The following MGAT4C variants were observed in gnomAD, a reference collection of about 807,000 sequenced individuals.
MGAT4C encodes the protein alpha-1,3-mannosyl-glycoprotein 4-beta-N-acetylglucosaminyltransferase C.
A neutral mutation model predicts 40.1 loss-of-function variants in MGAT4C; 19 were observed. The ratio of observed to expected loss-of-function variants is 0.47; its 90% CI spans 0.33 to 0.70. The LOEUF is 0.70. Ranked by LOEUF, MGAT4C falls within the 30% of genes least tolerant of loss-of-function variation. The pLI, the probability that MGAT4C is intolerant of heterozygous loss-of-function variation, is 0.02. For missense variants in MGAT4C, 491 were observed against 563.2 expected, an observed-to-expected ratio of 0.87 and a Z score of 1.30; for synonymous variants, 181 against 187.1, an observed-to-expected ratio of 0.97 and a Z score of 0.27.
At chr12:86,691,642 AATC>A (rs1406851364) in intron 2 of MGAT4C, among the ~76,000 whole-genome samples, 4 of 152,188 alleles carry the variant, frequency 2.6e-5, no homozygotes, top group Non-Finnish European at 5.9e-5. Context: ...ATGCAAAATA[AATC>A]ATCTATTAGG....
chr12:86,735,368 G>A (rs1181965113), intron 1 of MGAT4C, among the ~76,000 whole-genome samples: 2 of 151,728 alleles, frequency 1.3e-5, no homozygotes, highest in African/African-American at 2.4e-5. Flanking sequence ...TCAATGATTT[G>A]AAAGAAGTAA....
intron 1 of MGAT4C, chr12:86,838,643 G>C (rs1353068077): frequency 6.6e-6 from 1 of 152,160 alleles, no homozygotes; most frequent in Non-Finnish European, 1.5e-5. Context: ...AGAGGGTAAT[G>C]AATTGAGAAA....
At chr12:86,071,362 C>A (rs982857631) in intron 1 of MGAT4C, among the ~76,000 whole-genome samples, 1 of 151,990 alleles carries the variant, frequency 6.6e-6, no homozygotes, top group Non-Finnish European at 1.5e-5. Context: ...TTCAGACAGA[C>A]CCAATTGTTT....
chr12:86,320,734 A>G (rs1167684149), intron 4 of MGAT4C, among the ~76,000 whole-genome samples: 1 of 152,040 alleles, frequency 6.6e-6, no homozygotes, highest in Admixed American at 6.6e-5. Flanking sequence ...AAAAACCCAT[A>G]TGGTTTTACA....
At chr12:86,817,768 A>G (rs1421373666) in intron 1 of MGAT4C, among the ~76,000 whole-genome samples, 1 of 151,490 alleles carries the variant, frequency 6.6e-6, no homozygotes, top group Non-Finnish European at 1.5e-5. Flanking sequence ...GCAGAAATAA[A>G]GCCAAAATTG....
rs564066127 is a variant in MGAT4C at position 86,129,291 on chromosome 12, A to G, written c.-56-79568T>C. 2.6e-5 allele frequency among the ~76,000 whole-genome samples: 4 copies of G among 152,300 alleles called. No homozygotes were observed. The East Asian group carries it at 7.7e-4, about 29-fold the overall frequency. ...AGTGAGAAACAAAGACAGTTATTCA[A>G]TTAAGACATGCATTACATTATTTAT... On this transcript the variant is annotated intron_variant, in intron 1 of 4. Transcript: ENST00000611864.
chr12:85,964,177 T>C lies in MGAT4C; in HGVS notation c.*15112A>G, dbSNP rs1385429250. On this transcript the variant is annotated 3_prime_UTR_variant, in exon 5 of 5. Transcript: ENST00000611864. ...TTATAAAACACCAATGATTAGATTA[T>C]GTTATAAAGACACTATGAAGAGATA... The C allele has an allele frequency of 1.3e-5, 2 of 152,132 alleles. No homozygotes were observed. Among genetic ancestry groups the C allele is most frequent in the Non-Finnish European group, 2.9e-5 (2 of 67,956 alleles). The allele number at this position is 152,132 out of a possible 1,614,324, so 9.4% of individuals were successfully genotyped here. A position where few individuals can be genotyped will look rare whatever the true frequency, so the allele number is the denominator to read the frequency against.
chr12:86,359,388 T>C (rs183672629), intron 3 of MGAT4C, among the ~76,000 whole-genome samples: 89 of 152,064 alleles, frequency 5.9e-4, no homozygotes, highest in African/African-American at 2.0e-3. Context: ...AGATCTAAAA[T>C]TGACACCCTA....
chr12:86,317,863 T>A (rs1183915539), intron 4 of MGAT4C, among the ~76,000 whole-genome samples: 1 of 151,224 alleles, frequency 6.6e-6, no homozygotes, highest in Non-Finnish European at 1.5e-5. Context: ...TTCAAAGAAC[T>A]GCTACTAGAT....
chr12:86,473,116 C>T (rs760083500), intron 2 of MGAT4C, among the ~76,000 whole-genome samples: 11 of 152,094 alleles, frequency 7.2e-5, no homozygotes, highest in South Asian at 2.1e-4. Flanking sequence ...CCTCCACGTC[C>T]GGCTAATTTT....
At chr12:86,166,658 A>G (rs1188020550) in intron 1 of MGAT4C, among the ~76,000 whole-genome samples, 1 of 152,114 alleles carries the variant, frequency 6.6e-6, no homozygotes, top group Admixed American at 6.5e-5. Context: ...GGAGACAGTG[A>G]GAAGGTCTCA....
intron 1 of MGAT4C, among the ~76,000 whole-genome samples, chr12:86,733,115 A>C (rs902708060): frequency 6.6e-6 from 1 of 152,136 alleles, no homozygotes; most frequent in Admixed American, 6.6e-5. Flanking sequence ...TCCAGTATAA[A>C]GAAAGGTTGA....
intron 1 of MGAT4C, among the ~76,000 whole-genome samples, chr12:86,163,368 C>G (rs1310102852): frequency 6.6e-6 from 1 of 151,944 alleles, no homozygotes; most frequent in Non-Finnish European, 1.5e-5. Context: ...ATTTTAAAAA[C>G]TTTTTGTAGA....
In MGAT4C at chr12:86,042,854, C is replaced by A. The variant is rs1256276326; in HGVS notation, c.-7+6820G>T. Among the ~76,000 whole-genome samples, 4 of 111,720 alleles carry A rather than the reference C, an allele frequency of 3.6e-5. No individual in the cohort carries two copies. The Admixed American group carries it at 4.9e-4, about 14-fold the overall frequency. 73.3% of individuals were successfully genotyped at this position (111,720 alleles called of 152,430 possible). On this transcript the variant is annotated intron_variant, in intron 2 of 4. Coordinates refer to ENST00000611864, the MANE Select transcript of MGAT4C (RefSeq NM_001351288.2). ...CTGCACTCCAGCCTGGGCAACAGAG[C>A]AAGACTCTGTCTCAAAAAAAAAAAA...
At chr12:86,818,936 A>G (rs1952654410) in intron 1 of MGAT4C, among the ~76,000 whole-genome samples, 1 of 151,074 alleles carries the variant, frequency 6.6e-6, no homozygotes, top group African/African-American at 2.4e-5. Context: ...CCAGCATGCA[A>G]ATTAAAATCT....
intron 2 of MGAT4C, among the ~76,000 whole-genome samples, chr12:86,441,649 C>T (rs1447794622): frequency 2.6e-5 from 4 of 151,980 alleles, no homozygotes; most frequent in African/African-American, 9.7e-5. Context: ...TTTCCAGTTT[C>T]ATCCATGTCC....
chr12:86,400,234 T>C lies in MGAT4C; in HGVS notation c.-120+34923A>G, dbSNP rs548895133. On this transcript the variant is annotated intron_variant, in intron 3 of 7. Coordinates refer to the MGAT4C transcript ENST00000548651. ...GTGAGAACAGAGGGGAAACAATTTG[T>C]CTTTTTTCCTCTGTGGGTATTATTC... Among the ~76,000 whole-genome samples, 9 of 152,352 alleles carry C rather than the reference T, an allele frequency of 5.9e-5. No homozygotes were observed. In the East Asian group the frequency reaches 1.7e-3, roughly 29 times the overall value.
intron 2 of MGAT4C, among the ~76,000 whole-genome samples, chr12:86,686,489 T>C (rs1950073879): frequency 6.6e-6 from 1 of 152,174 alleles, no homozygotes; most frequent in Admixed American, 6.5e-5. Flanking sequence ...AAATAGCTCT[T>C]ATTGTTTTGA....
intron 1 of MGAT4C, among the ~76,000 whole-genome samples, chr12:86,740,377 TA>T (rs1214104922): frequency 6.6e-6 from 1 of 151,170 alleles, no homozygotes; most frequent in Non-Finnish European, 1.5e-5. Context: ...TAGAAAATTT[TA>T]AAGCCAAATT....
Sources: allele counts gnomAD v4.1 joint callset (sites outside exome capture counted in the v4.1 genomes callset), GRCh38; gene constraint gnomAD v4.1.1; transcripts MANE v1.5; gene names NCBI Gene and HGNC (gene_info 2026-07-23, HGNC 2026-07-21).